Variants in GTF2E2 observed in about 807,000 individuals in gnomAD.
GTF2E2 encodes the protein general transcription factor IIE subunit 2.
In GTF2E2, 21 loss-of-function variants were observed where a neutral mutation model predicts 40.5. The observed-to-expected ratio is 0.52, with a 90% CI of 0.37 to 0.75. GTF2E2 has a LOEUF of 0.75. GTF2E2 is among the 30% of genes least tolerant of loss of function. The pLI is 0.00. For missense variants in GTF2E2, 298 were observed against 338.4 expected, an observed-to-expected ratio of 0.88 and a Z score of 0.94; for synonymous variants, 117 against 121.6, an observed-to-expected ratio of 0.96 and a Z score of 0.25.
At chr8:30,651,366 T>C (rs1330509813) in intron 2 of GTF2E2, among the ~76,000 whole-genome samples, 1 of 151,710 alleles carries the variant, frequency 6.6e-6, no homozygotes, top group African/African-American at 2.4e-5. Flanking sequence ...AAGATCAATG[T>C]ATTAAAAAAA....
chr8:30,627,476 G>A (rs993105000), intron 3 of GTF2E2, among the ~76,000 whole-genome samples: 10 of 137,604 alleles, frequency 7.3e-5, no homozygotes, highest in African/African-American at 2.4e-4. Flanking sequence ...AAAAAACTCA[G>A]GACATCGCTT....
At chr8:30,645,904 G>C (rs1240798112) in intron 2 of GTF2E2, 6 of 240,530 alleles carry the variant, frequency 2.5e-5, no homozygotes, top group Non-Finnish European at 4.8e-5. Flanking sequence ...AGACAAGCAA[G>C]GCTAATGATG....
chr8:30,590,367 T>C (rs1828809406), intron 6 of GTF2E2, among the ~76,000 whole-genome samples: 1 of 152,204 alleles, frequency 6.6e-6, no homozygotes, highest in Non-Finnish European at 1.5e-5. Flanking sequence ...TTTCCAATTG[T>C]TGGTGGTTAT....
rs551690827 is a variant in GTF2E2 at position 30,619,399 on chromosome 8, T to C, written c.259-4684A>G. On this transcript the variant is annotated intron_variant, in intron 3 of 7. Coordinates refer to ENST00000355904, the MANE Select transcript of GTF2E2 (RefSeq NM_002095.6). ...ATTTTGCATAAACTGACTTTTTTTTTTTTTTTGAGACGGAGTTTCGCTCTT... is the reference window on the plus strand; with the variant it reads ...ATTTTGCATAAACTGACTTTTTTTTCTTTTTTGAGACGGAGTTTCGCTCTT... Among the ~76,000 whole-genome samples, 58 of 152,148 alleles carry C rather than the reference T, an allele frequency of 3.8e-4. 1 individual carries two copies. In the South Asian group the frequency reaches 9.5e-3, roughly 25 times the overall value.
At chr8:30,595,890 A>G (rs1828989660) in intron 6 of GTF2E2, among the ~76,000 whole-genome samples, 1 of 152,120 alleles carries the variant, frequency 6.6e-6, no homozygotes. Flanking sequence ...AAAGAAGAGA[A>G]AAGAAAAGAA....
At chr8:30,629,390 T>A (rs891266114) in intron 3 of GTF2E2, among the ~76,000 whole-genome samples, 1 of 152,010 alleles carries the variant, frequency 6.6e-6, no homozygotes, top group South Asian at 2.1e-4. Context: ...TCACAATCAC[T>A]TGAAGGGCTT....
intron 3 of GTF2E2, among the ~76,000 whole-genome samples, chr8:30,632,466 A>G (rs867522172): frequency 6.6e-6 from 1 of 152,184 alleles, no homozygotes; most frequent in African/African-American, 2.4e-5. Context: ...TAACTAGGAG[A>G]TATTTTCTAA....
intron 3 of GTF2E2, among the ~76,000 whole-genome samples, chr8:30,620,421 T>C (rs749434691): frequency 3.3e-5 from 5 of 152,090 alleles, no homozygotes; most frequent in Admixed American, 6.6e-5. Context: ...TAAATGAAGA[T>C]GTTTGACACA....
At chr8:30,625,334 A>G (rs930755982) in intron 3 of GTF2E2, among the ~76,000 whole-genome samples, 5 of 152,012 alleles carry the variant, frequency 3.3e-5, no homozygotes, top group Non-Finnish European at 7.4e-5. Flanking sequence ...GCGTATGTTG[A>G]ACCAGCCTTG....
chr8:30,579,657 T>A (rs1419781357), intron 7 of GTF2E2, among the ~76,000 whole-genome samples: 2 of 152,106 alleles, frequency 1.3e-5, no homozygotes, highest in Non-Finnish European at 2.9e-5. Flanking sequence ...CTATGAAGCA[T>A]GACGGTGGAT....
intron 5 of GTF2E2, among the ~76,000 whole-genome samples, chr8:30,610,244 G>C (rs1213614492): frequency 1.3e-5 from 2 of 151,958 alleles, no homozygotes; most frequent in Non-Finnish European, 2.9e-5. Flanking sequence ...TCAGGAGTTC[G>C]AGACCAGACT....
chr8:30,627,269 C>T (rs1025996224), intron 3 of GTF2E2, among the ~76,000 whole-genome samples: 10 of 151,844 alleles, frequency 6.6e-5, no homozygotes, highest in African/African-American at 2.4e-4. Flanking sequence ...TTAAACAATG[C>T]TGAATTTCAA....
rs761618380 is a variant in GTF2E2 at position 30,653,534 on chromosome 8, A to G, written c.65T>C (p.Val22Ala). The change falls in exon 2 of 8, where the codon GTA (valine) becomes GCA (alanine). Residue 22 changes from valine (V) to alanine (A), a missense_variant. Transcript: ENST00000355904. ...FKKRALSTPV[V>A]EKRSASSESS... The stretch of plus-strand genomic sequence containing the variant: ...CTCAGAAGATGCTGAACGTTTTTCT[A>G]CTACAGGAGTAGAAAGAGCTCGTTT... The G allele has an allele frequency of 1.9e-6, 3 of 1,613,222 alleles. No individual in the cohort carries two copies. The highest frequency in any genetic ancestry group is 1.7e-4 in the Middle Eastern group (1 of 6,056).
intron 6 of GTF2E2, among the ~76,000 whole-genome samples, chr8:30,584,159 T>G (rs556674556): frequency 5.9e-5 from 9 of 152,076 alleles, no homozygotes; most frequent in African/African-American, 2.2e-4. Flanking sequence ...TCACTAAGAT[T>G]TCCTTCATGT....
chr8:30,628,916 G>A (rs1188870150), intron 3 of GTF2E2, among the ~76,000 whole-genome samples: 8 of 148,998 alleles, frequency 5.4e-5, no homozygotes. Context: ...GGGCAAGAGA[G>A]TGAGACTCCG....
At chr8:30,592,717 T>C (rs759881638) in intron 6 of GTF2E2, among the ~76,000 whole-genome samples, 1 of 152,220 alleles carries the variant, frequency 6.6e-6, no homozygotes, top group Non-Finnish European at 1.5e-5. Context: ...AAGGAAAACG[T>C]CTGTATGTGT....
intron 6 of GTF2E2, among the ~76,000 whole-genome samples, chr8:30,589,004 A>T (rs6983388): frequency 0.028 from 4,277 of 152,292 alleles, 211 homozygotes; most frequent in African/African-American, 0.097. Context: ...CTGTAATCCC[A>T]GCACTTTTGG....
At chr8:30,628,956 A>G (rs1346889901) in intron 3 of GTF2E2, among the ~76,000 whole-genome samples, 1 of 151,926 alleles carries the variant, frequency 6.6e-6, no homozygotes, top group South Asian at 2.1e-4. Flanking sequence ...AAATTTTACC[A>G]GCAACTTTTT....
At chr8:30,656,025 G>A (rs1554564719) in intron 1 of GTF2E2, among the ~76,000 whole-genome samples, 1 of 152,024 alleles carries the variant, frequency 6.6e-6, no homozygotes, top group Non-Finnish European at 1.5e-5. Context: ...TGTTGGCCAA[G>A]CTGATCTTGA....
Sources: allele counts gnomAD v4.1 joint callset (sites outside exome capture counted in the v4.1 genomes callset), GRCh38; gene constraint gnomAD v4.1.1; transcripts MANE v1.5; gene names NCBI Gene and HGNC (gene_info 2026-07-23, HGNC 2026-07-21).